UNC80: variants seen among roughly 807,000 people sequenced by gnomAD.
UNC80 encodes the protein unc-80 subunit of NALCN channel complex.
UNC80 carries 164 observed loss-of-function variants against 384.6 expected under a neutral mutation model. That is an observed-to-expected ratio of 0.43 (90% CI 0.38 to 0.49). The LOEUF (loss-of-function observed/expected upper bound fraction) is 0.49, where lower values mean the gene tolerates loss of function less well. Among genes scored for constraint, UNC80 ranks in the 20% least tolerant of loss-of-function variants. The pLI, the probability that UNC80 is intolerant of heterozygous loss-of-function variation, is 0.00. For synonymous variants in UNC80, 1,486 were observed against 1,527.8 expected (o/e 0.97, Z 0.64); for missense variants, 3,330 against 4,143.0 (o/e 0.80, Z 5.39).
intron 55 of UNC80, 49 bp from the exon 56 acceptor site, chr2:209,973,015 C>G (rs1181519202): frequency 6.6e-7 from 1 of 1,520,358 alleles, no homozygotes; most frequent in Non-Finnish European, 8.9e-7. Context: ...GACAGTCTAC[C>G]TTGTGATGTT....
At chr2:209,863,858 G>C (rs971990621) in intron 22 of UNC80, among the ~76,000 whole-genome samples, 2 of 151,648 alleles carry the variant, frequency 1.3e-5, no homozygotes, top group African/African-American at 4.8e-5. Context: ...ATGTGATCTC[G>C]GTCCAGTTCT....
At chr2:209,896,472 C>A in intron 28 of UNC80, 59 bp downstream of exon 28, 2 of 1,346,406 alleles carry the variant, frequency 1.5e-6, no homozygotes, top group Non-Finnish European at 1.0e-6. Flanking sequence ...TGGGGAAGAT[C>A]CAAGGAGGGA....
chr2:209,851,999 CTCATGGTAAGAAAGAAAATGAA>C (rs1455524449), intron 22 of UNC80, among the ~76,000 whole-genome samples: 1 of 152,040 alleles, frequency 6.6e-6, no homozygotes, highest in Non-Finnish European at 1.5e-5. Context: ...TCTCATAAGT[CTCATGGTAAGAAAGAAAATGAA>C]GGAGCGCTGG....
chr2:209,812,058 T>G (rs116325242), intron 7 of UNC80, among the ~76,000 whole-genome samples: 2,182 of 152,274 alleles, frequency 0.014, 22 homozygotes, highest in Non-Finnish European at 0.025. Flanking sequence ...TTGTTCTGTT[T>G]TGTTTTTTTG....
chr2:209,870,574 T>G (rs532441916), intron 22 of UNC80, among the ~76,000 whole-genome samples: 1 of 152,282 alleles, frequency 6.6e-6, no homozygotes, highest in African/African-American at 2.4e-5. Flanking sequence ...TAAGGATAGA[T>G]ACTCACTATT....
intron 22 of UNC80, among the ~76,000 whole-genome samples, chr2:209,864,879 C>G (rs905515067): frequency 3.9e-5 from 6 of 152,212 alleles, no homozygotes; most frequent in African/African-American, 1.4e-4. Flanking sequence ...GGTCGCTTCT[C>G]CCACCGGGAG....
At chr2:209,943,323 A>T (rs1269705031) in intron 44 of UNC80, 57 bp from the exon 45 acceptor site, 1 of 1,541,674 alleles carries the variant, frequency 6.5e-7, no homozygotes, top group Non-Finnish European at 8.8e-7. Context: ...TTTAAAAGCG[A>T]GTACAACTTT....
At chr2:209,842,801 G>A (rs545031565) in intron 21 of UNC80, among the ~76,000 whole-genome samples, 2 of 152,284 alleles carry the variant, frequency 1.3e-5, no homozygotes, top group South Asian at 4.1e-4. Context: ...TCCCTGAAAG[G>A]TGGCCAGCCA....
chr2:209,897,389 C>G (rs2086905286), intron 28 of UNC80, among the ~76,000 whole-genome samples: 1 of 152,124 alleles, frequency 6.6e-6, no homozygotes, highest in South Asian at 2.1e-4. Context: ...ACCATAGATT[C>G]ATTTTGTCTG....
intron 47 of UNC80, among the ~76,000 whole-genome samples, chr2:209,947,420 T>C (rs1575109940): frequency 6.6e-6 from 1 of 152,306 alleles, no homozygotes; most frequent in East Asian, 1.9e-4. Flanking sequence ...TTCCATTGAG[T>C]CATAAAATTC....
rs946327387 is a variant in UNC80 at position 209,969,913 on chromosome 2, T to G, written c.8130+22T>G. On this transcript the variant is annotated intron_variant, in intron 53 of 64. Transcript: ENST00000673920. ...TCTGGTGAGTAGCCAAGTGGCAATC[T>G]TATGAAACTTTGCACAATGTAACTC... 17 of 1,550,908 alleles carry G rather than the reference T, an allele frequency of 1.1e-5. No homozygotes were observed. In the African/African-American group the frequency reaches 2.3e-4, roughly 21 times the overall value.
intron 36 of UNC80, among the ~76,000 whole-genome samples, chr2:209,928,000 G>A (rs912005944): frequency 2.6e-5 from 4 of 151,788 alleles, no homozygotes; most frequent in African/African-American, 9.7e-5. Context: ...GTAAAAAACC[G>A]AATACCAGAG....
intron 7 of UNC80, among the ~76,000 whole-genome samples, chr2:209,805,024 T>A (rs904155988): frequency 6.6e-6 from 1 of 152,198 alleles, no homozygotes; most frequent in Non-Finnish European, 1.5e-5. Flanking sequence ...TTTAGCATTA[T>A]TTCCCATCTG....
intron 44 of UNC80, 22 bp downstream of exon 44, chr2:209,941,511 A>C: frequency 2.6e-6 from 4 of 1,515,512 alleles, no homozygotes; most frequent in Non-Finnish European, 3.6e-6. Context: ...CTCCTCTCCC[A>C]ACCAGAAAAT....
chr2:209,802,909 G>C (rs2078652037), intron 7 of UNC80, among the ~76,000 whole-genome samples: 1 of 152,156 alleles, frequency 6.6e-6, no homozygotes, highest in African/African-American at 2.4e-5. Flanking sequence ...TTGTTTTCTT[G>C]CTGGATATTG....
chr2:209,795,531 A>G (rs570716779), intron 7 of UNC80: 1 of 152,248 alleles, frequency 6.6e-6, no homozygotes, highest in Admixed American at 6.5e-5. Context: ...CATGTCAGAG[A>G]CCTTCACAGC....
At chr2:209,866,574 G>A (rs1173923701) in intron 22 of UNC80, among the ~76,000 whole-genome samples, 1 of 136,166 alleles carries the variant, frequency 7.3e-6, no homozygotes, top group Non-Finnish European at 1.6e-5. Context: ...AGAATCATCT[G>A]ACCCAAATAG....
At chr2:209,897,942 T>C (rs1360647350) in intron 28 of UNC80, among the ~76,000 whole-genome samples, 1 of 152,196 alleles carries the variant, frequency 6.6e-6, no homozygotes, top group Non-Finnish European at 1.5e-5. Flanking sequence ...CTGGGAGTAA[T>C]TCAGGTAAAC....
At position 209,941,246 on chromosome 2, in the gene UNC80, C is replaced by T. The variant is rs1455794251; in HGVS notation, c.6672C>T (p.Asp2224=). 8 of 1,527,762 alleles carry T rather than the reference C, an allele frequency of 5.2e-6. No homozygotes were observed. The highest frequency in any genetic ancestry group is 5.3e-6 in the Non-Finnish European group (6 of 1,129,056). The allele number at this position is 1,527,762 out of a possible 1,614,324, so 94.6% of individuals were successfully genotyped here. A position where few individuals can be genotyped will look rare whatever the true frequency, so the allele number is the denominator to read the frequency against. ...CTGGAAAGGAACTGTTTGGCCTCGACACTCTTCAGAAAAGCTTGTGGATCC... is the reference window on the plus strand; with the variant it reads ...CTGGAAAGGAACTGTTTGGCCTCGATACTCTTCAGAAAAGCTTGTGGATCC... ...PQAGKELFGL[D]TLQKSLWIQL... Residue 2224 remains aspartate (D), a synonymous_variant, in exon 44 of 65, where the codon GAC becomes GAT. Coordinates refer to ENST00000673920, the MANE Select transcript of UNC80 (RefSeq NM_001371986.1).
Sources: gnomAD v4.1 joint callset for allele counts (sites outside exome capture counted in the v4.1 genomes callset) on GRCh38, gnomAD v4.1.1 for gene constraint, MANE v1.5 for transcripts, NCBI Gene and HGNC (gene_info 2026-07-23, HGNC 2026-07-21) for gene names.